The following FUBP3 variants were observed in gnomAD, a reference collection of about 807,000 sequenced individuals.
FUBP3 encodes the protein far upstream element-binding protein 3.
A neutral mutation model predicts 85.6 loss-of-function variants in FUBP3; 28 were observed. The observed-to-expected ratio is 0.33, with a 90% confidence interval of 0.24 to 0.45. The LOEUF is 0.45. Ranked by LOEUF, FUBP3 falls within the 20% of genes least tolerant of loss-of-function variation. The pLI, the probability that FUBP3 is intolerant of heterozygous loss-of-function variation, is 1.00. For synonymous variants in FUBP3, 271 were observed against 271.4 expected, an observed-to-expected ratio of 1.00 and a Z score of 0.01; for missense variants, 583 against 755.1, an observed-to-expected ratio of 0.77 and a Z score of 2.67.
chr9:130,630,797 A>G lies in FUBP3; in HGVS notation c.1278+9A>G. The G allele has an allele frequency of 6.8e-7, 1 of 1,468,910 alleles. No homozygotes were observed. Among genetic ancestry groups the G allele is most frequent in the South Asian group, 1.4e-5 (1 of 69,048 alleles). 91.0% of individuals were successfully genotyped at this position (1,468,910 alleles called of 1,614,324 possible). On this transcript the variant is annotated intron_variant, in intron 13 of 18. Coordinates refer to ENST00000319725, the MANE Select transcript of FUBP3 (RefSeq NM_003934.2). ...TAGATGAGAAAGTTGGCGTACGTAC[A>G]GGGTCCTTCCCCCACCTGGTTTACT...
chr9:130,598,979 A>T (rs960631187), intron 2 of FUBP3, among the ~76,000 whole-genome samples: 13 of 152,224 alleles, frequency 8.5e-5, no homozygotes, highest in African/African-American at 3.1e-4. Context: ...CCTGGGCAAC[A>T]TAGCAAAACC....
At chr9:130,622,953 C>CT in intron 10 of FUBP3, 143 bp downstream of exon 10, 1 of 443,496 alleles carries the variant, frequency 2.3e-6, no homozygotes, top group Admixed American at 4.2e-5. Flanking sequence ...CAACATCCTG[C>CT]TACCAGATGA....
intron 2 of FUBP3, among the ~76,000 whole-genome samples, chr9:130,607,438 C>T (rs187079632): frequency 3.1e-4 from 47 of 152,260 alleles, no homozygotes; most frequent in Middle Eastern, 3.4e-3. Context: ...ATTGCTCCAA[C>T]GGGACCTTTA....
chr9:130,631,779 C>T, intron 14 of FUBP3, 149 bp downstream of exon 14: 1 of 831,120 alleles, frequency 1.2e-6, no homozygotes, highest in South Asian at 1.5e-5. Context: ...ACCAGCGGTC[C>T]CTCCGGCCTA....
chr9:130,626,636 G>A, intron 12 of FUBP3, 131 bp downstream of exon 12: 3 of 865,510 alleles, frequency 3.5e-6, no homozygotes, highest in Non-Finnish European at 5.3e-6. Flanking sequence ...TCTGGAGGCA[G>A]TAGCCACCTT....
At chr9:130,632,694 T>TC in intron 16 of FUBP3, among the ~76,000 whole-genome samples, 1 of 152,258 alleles carries the variant, frequency 6.6e-6, no homozygotes, top group Non-Finnish European at 1.5e-5. Context: ...TGCCTTCCTC[T>TC]CCCCTCTCAG....
Position 130,635,802 on chromosome 9 carries a change from C to G in FUBP3, c.1583-197C>G, listed in dbSNP as rs934107464. ...TGAGGATTGGTCTTCACAGGCATAG[C>G]AGGGGCCGGGCAACAAGAGGCTAAC... On this transcript the variant is annotated intron_variant, in intron 17 of 18. Coordinates refer to ENST00000319725, the MANE Select transcript of FUBP3 (RefSeq NM_003934.2). This position sits in a 1 kb window ranked among gnomAD's most constrained non-coding sequence, Gnocchi z 4.3. 1.5e-5 allele frequency: 9 copies of G among 591,480 alleles called. No homozygotes were observed. Among genetic ancestry groups the G allele is most frequent in the Admixed American group, 9.2e-5 (3 of 32,600 alleles). 36.6% of individuals were successfully genotyped at this position (591,480 alleles called of 1,614,324 possible).
rs1366370944 is a variant in FUBP3, at chr9:130,637,019, G to A, written c.1716G>A (p.Gln572=). Residue 572 remains glutamine, a synonymous_variant, in exon 19 of 19, where the codon CAG becomes CAA. Transcript: ENST00000319725. The part of the protein sequence containing the change: ...LGQAQAHSQE[Q] ...CTCTTCCCTTCCGCCCACAGGAGCA[G>A]TAGGACAGCGTCCTCGTGGCCAACT... is the stretch of plus-strand genomic sequence containing the variant. The A allele has an allele frequency of 6.2e-7, 1 of 1,612,478 alleles. No homozygotes were observed. Among genetic ancestry groups the A allele is most frequent in the Non-Finnish European group, 8.5e-7 (1 of 1,178,568 alleles).
At chr9:130,619,212 G>A (rs1320502010) in intron 8 of FUBP3, among the ~76,000 whole-genome samples, 1 of 151,846 alleles carries the variant, frequency 6.6e-6, no homozygotes, top group Non-Finnish European at 1.5e-5. Flanking sequence ...CCCAAGCAAA[G>A]AATATATCAT....
intron 8 of FUBP3, among the ~76,000 whole-genome samples, chr9:130,619,033 C>T (rs977014577): frequency 7.9e-5 from 12 of 152,300 alleles, no homozygotes; most frequent in Admixed American, 5.9e-4. Context: ...ACCAGATTGC[C>T]TCTCGCCTTT....
At position 130,606,390 on chromosome 9, in the gene FUBP3, C is replaced by T. The variant is rs192614457; in HGVS notation, c.191-3564C>T. ...AAAACTGGTATTCCTCTCTCCCCAC[C>T]CCCCCCCAACAGACTCACTCACCTG... On this transcript the variant is annotated intron_variant, in intron 2 of 18. Coordinates refer to ENST00000319725, the MANE Select transcript of FUBP3 (RefSeq NM_003934.2). Among the ~76,000 whole-genome samples, 45 of 151,466 alleles carry T rather than the reference C, an allele frequency of 3.0e-4. No individual in the cohort carries two copies. The East Asian group carries it at 8.1e-3, about 27-fold the overall frequency.
Position 130,636,655 on chromosome 9 carries a change from G to A in FUBP3, c.1711-359G>A, listed in dbSNP as rs540082454. Reference sequence around the variant, plus strand: ...GATTTCTTATTAAAGAAGGGAAGACGTCCAAATGTTCCCACAGGGCGCATT... The same window carrying A: ...GATTTCTTATTAAAGAAGGGAAGACATCCAAATGTTCCCACAGGGCGCATT... On this transcript the variant is annotated intron_variant, in intron 18 of 18. Coordinates refer to ENST00000319725, the MANE Select transcript of FUBP3 (RefSeq NM_003934.2). Among the ~76,000 whole-genome samples the A allele has an allele frequency of 7.9e-5, 12 of 152,362 alleles. No homozygotes were observed. The South Asian group carries it at 1.9e-3, about 24-fold the overall frequency.
chr9:130,620,372 C>A lies in FUBP3; in HGVS notation c.685C>A (p.Leu229Ile). 1 of 1,596,866 alleles carries A rather than the reference C, an allele frequency of 6.3e-7. No individual in the cohort carries two copies. The highest frequency in any genetic ancestry group is 8.5e-7 in the Non-Finnish European group (1 of 1,169,908). The stretch of plus-strand genomic sequence containing the variant: ...TATGCAGCAAGCAAGAGAAATGGTA[C>A]TAGAGATTATCCGAGAAAAAGACCA... The part of the protein sequence containing the change: ...FKVQQAREMV[L>I]EIIREKDQAD... The change falls in exon 9 of 19, where the codon CTA (leucine) becomes ATA (isoleucine). Residue 229 changes from leucine to isoleucine, a missense_variant. By Grantham distance (5) the Leu-to-Ile change is conservative. Coordinates refer to ENST00000319725, the MANE Select transcript of FUBP3 (RefSeq NM_003934.2).
In FUBP3 at chr9:130,616,565, T is replaced by C. The variant is rs983053108; in HGVS notation, c.567+48T>C. 6.3e-7 allele frequency: 1 copy of C among 1,575,004 alleles called. No individual in the cohort carries two copies. Among genetic ancestry groups the C allele is most frequent in the Non-Finnish European group, 8.7e-7 (1 of 1,146,372 alleles). ...GCACAGCGGCCGCTCGCAGCAGGTC[T>C]TCAGCTTCCTGGCCCAGGAGATCTG... On this transcript the variant is annotated intron_variant, in intron 7 of 18. Coordinates refer to ENST00000319725, the MANE Select transcript of FUBP3 (RefSeq NM_003934.2). This position sits in a 1 kb window ranked among gnomAD's most constrained non-coding sequence, Gnocchi z 4.7.
At chr9:130,591,713 A>G (rs914618186) in intron 1 of FUBP3, among the ~76,000 whole-genome samples, 10 of 152,318 alleles carry the variant, frequency 6.6e-5, no homozygotes, top group African/African-American at 2.4e-4. Flanking sequence ...CTCATAGTGG[A>G]AATTTCCCAA....
intron 12 of FUBP3, among the ~76,000 whole-genome samples, chr9:130,629,398 CT>C (rs1226467409): frequency 1.3e-5 from 2 of 152,216 alleles, no homozygotes; most frequent in Non-Finnish European, 2.9e-5. Flanking sequence ...TGCATGCGAC[CT>C]TATCTGCATG....
At chr9:130,633,817 G>A (rs1199053871) in intron 16 of FUBP3, among the ~76,000 whole-genome samples, 2 of 152,198 alleles carry the variant, frequency 1.3e-5, no homozygotes, top group Non-Finnish European at 2.9e-5. Context: ...CTGCTCCTCA[G>A]TATGCAGTAA....
At chr9:130,582,279 T>C (rs1830160122) in intron 1 of FUBP3, among the ~76,000 whole-genome samples, 2 of 151,882 alleles carry the variant, frequency 1.3e-5, no homozygotes, top group African/African-American at 4.8e-5. Context: ...AGCGAGACCT[T>C]GTCTCTACTA....
At chr9:130,597,483 T>A (rs187968301) in intron 2 of FUBP3, among the ~76,000 whole-genome samples, 1 of 152,370 alleles carries the variant, frequency 6.6e-6, no homozygotes, top group East Asian at 1.9e-4. Context: ...TCCGGCCGCT[T>A]GGTCTGCCTC....
Sources: gnomAD v4.1 joint callset for allele counts (sites outside exome capture counted in the v4.1 genomes callset) on GRCh38, gnomAD v4.1.1 for gene constraint, Gnocchi (gnomAD v3.1) non-coding constraint, MANE v1.5 for transcripts, NCBI Gene and HGNC (gene_info 2026-07-23, HGNC 2026-07-21) for gene names.